Variants in LARP4 observed in about 807,000 individuals in gnomAD.
LARP4 encodes la-related protein 4.
In LARP4, 29 loss-of-function variants were observed where a neutral mutation model predicts 92.9. That is an observed-to-expected ratio of 0.31 (90% confidence interval 0.23 to 0.43). The LOEUF is 0.43. Ranked by LOEUF, LARP4 falls within the 20% of genes least tolerant of loss-of-function variation. LARP4 has a pLI of 1.00. For missense variants in LARP4, 732 were observed against 860.0 expected (o/e 0.85, Z 1.86); for synonymous variants, 279 against 284.1 (o/e 0.98, Z 0.18).
At chr12:50,402,511 A>G (rs1195309262) in intron 1 of LARP4, among the ~76,000 whole-genome samples, 3 of 152,174 alleles carry the variant, frequency 2.0e-5, no homozygotes, top group South Asian at 2.1e-4. Flanking sequence ...GCTGGGCAGA[A>G]GAAAGATTGT....
chr12:50,451,436 G>T (rs1953170933), intron 8 of LARP4, among the ~76,000 whole-genome samples: 1 of 152,142 alleles, frequency 6.6e-6, no homozygotes, highest in South Asian at 2.1e-4. Flanking sequence ...GGTGGCTCAT[G>T]CCTGTAATCT....
intron 1 of LARP4, among the ~76,000 whole-genome samples, chr12:50,419,523 A>G (rs913514636): frequency 1.3e-5 from 2 of 152,178 alleles, no homozygotes; most frequent in African/African-American, 4.8e-5. Flanking sequence ...ATTATTTCCA[A>G]AAAACTCAAG....
At chr12:50,402,076 T>C (rs569149726) in intron 1 of LARP4, among the ~76,000 whole-genome samples, 1 of 152,274 alleles carries the variant, frequency 6.6e-6, no homozygotes, top group African/African-American at 2.4e-5. Flanking sequence ...GGAAGGAATT[T>C]ACGGGTTGTA....
At chr12:50,418,336 G>A (rs1004812535) in intron 1 of LARP4, among the ~76,000 whole-genome samples, 13 of 152,084 alleles carry the variant, frequency 8.5e-5, no homozygotes, top group African/African-American at 3.1e-4. Flanking sequence ...AGAAGCGGAA[G>A]GATTACATAA....
At position 50,470,443 on chromosome 12, in the gene LARP4, T is replaced by C. The variant is rs182834086; in HGVS notation, c.1546-2972T>C. ...ACTTTCTTTCTTTCTTTCTTTCTTT[T>C]TTTTTTTGAGATGGAGTTTTGCTCT... On this transcript the variant is annotated intron_variant, in intron 13 of 15. Transcript: ENST00000398473. Among the ~76,000 whole-genome samples the C allele has an allele frequency of 4.4e-3, 673 of 152,050 alleles. 4 individuals carry two copies. The highest frequency in any genetic ancestry group is 0.014 in the African/African-American group (592 of 41,492).
At chr12:50,435,436 T>G in intron 4 of LARP4, 52 bp from the exon 5 acceptor site, 1 of 1,078,784 alleles carries the variant, frequency 9.3e-7, no homozygotes, top group Non-Finnish European at 1.4e-6. Context: ...ATACCTCTTG[T>G]TAGATGCTTT....
chr12:50,425,468 C>T (rs1027106348), intron 1 of LARP4, among the ~76,000 whole-genome samples: 3 of 152,096 alleles, frequency 2.0e-5, no homozygotes, highest in Non-Finnish European at 2.9e-5. Context: ...GCATTTTCTC[C>T]TATTGAAAAA....
intron 8 of LARP4, among the ~76,000 whole-genome samples, chr12:50,443,117 A>G (rs575236865): frequency 7.2e-5 from 11 of 152,038 alleles, no homozygotes; most frequent in African/African-American, 9.7e-5. Context: ...ATCTAGTTCT[A>G]TTTTTCCCCA....
At chr12:50,451,865 G>T (rs116576704) in intron 8 of LARP4, among the ~76,000 whole-genome samples, 1 of 151,562 alleles carries the variant, frequency 6.6e-6, no homozygotes, top group Non-Finnish European at 1.5e-5. Flanking sequence ...TCAGCCGGGC[G>T]TGTTGGTGGG....
chr12:50,445,649 G>C (rs1232946363), intron 8 of LARP4, among the ~76,000 whole-genome samples: 2 of 151,934 alleles, frequency 1.3e-5, no homozygotes, highest in African/African-American at 4.8e-5. Flanking sequence ...CTCCAGATTG[G>C]ATCATTTCTG....
At chr12:50,460,997 T>G in intron 10 of LARP4, 138 bp from the exon 11 acceptor site, 1 of 697,180 alleles carries the variant, frequency 1.4e-6, no homozygotes, top group East Asian at 2.7e-5. Context: ...GGGGCAACAC[T>G]TTTACAACAT....
intron 1 of LARP4, among the ~76,000 whole-genome samples, chr12:50,419,760 A>G (rs1010817264): frequency 6.6e-6 from 1 of 151,932 alleles, no homozygotes; most frequent in Non-Finnish European, 1.5e-5. Context: ...AAAACAACCT[A>G]TCCACGTGGT....
At chr12:50,401,050 C>G (rs1341780741) in intron 1 of LARP4, 22 bp downstream of exon 1, 2 of 1,613,760 alleles carry the variant, frequency 1.2e-6, no homozygotes, top group Non-Finnish European at 1.7e-6. Context: ...ATGCTAGTCT[C>G]GTCCTGCTCT....
intron 8 of LARP4, among the ~76,000 whole-genome samples, chr12:50,444,995 C>G (rs1429543189): frequency 1.3e-5 from 2 of 152,082 alleles, no homozygotes; most frequent in Non-Finnish European, 2.9e-5. Context: ...TTGCAGCCTC[C>G]TCTTGCCTCG....
chr12:50,447,584 TA>T (rs1952419283), intron 8 of LARP4, among the ~76,000 whole-genome samples: 1 of 152,210 alleles, frequency 6.6e-6, no homozygotes, highest in African/African-American at 2.4e-5. Context: ...TATTTTATTT[TA>T]TTTTTTAAAG....
intron 4 of LARP4, among the ~76,000 whole-genome samples, chr12:50,433,433 T>G (rs1056670245): frequency 5.9e-5 from 9 of 152,038 alleles, no homozygotes; most frequent in Admixed American, 5.9e-4. Context: ...TTAATACATA[T>G]CAGGTATTAC....
Position 50,400,904 on chromosome 12 carries a change from T to A in LARP4, c.-107T>A. 1 of 1,497,446 alleles carries A rather than the reference T, an allele frequency of 6.7e-7. No homozygotes were observed. The highest frequency in any genetic ancestry group is 9.3e-7 in the Non-Finnish European group (1 of 1,074,860). The allele number at this position is 1,497,446 out of a possible 1,614,324, so 92.8% of individuals were successfully genotyped here. A position where few individuals can be genotyped will look rare whatever the true frequency, so the allele number is the denominator to read the frequency against. On this transcript the variant is annotated 5_prime_UTR_variant, in exon 1 of 16. Transcript: ENST00000398473. ...GGGAGGAGCCGGGTCCACTGCCGGG[T>A]GGAGGGGCAAGGCGAGTGTGTGTCC...
chr12:50,461,831 G>A (rs887689065), intron 11 of LARP4, among the ~76,000 whole-genome samples: 20 of 151,996 alleles, frequency 1.3e-4, no homozygotes, highest in African/African-American at 4.1e-4. Context: ...GGTGGCAGGC[G>A]CCTGTAATCC....
At chr12:50,408,493 G>A (rs545312985) in intron 1 of LARP4, among the ~76,000 whole-genome samples, 3 of 152,010 alleles carry the variant, frequency 2.0e-5, no homozygotes, top group Admixed American at 2.0e-4. Flanking sequence ...CACCGCACCC[G>A]GCGAGAAAAG....
Sources: allele counts gnomAD v4.1 joint callset (sites outside exome capture counted in the v4.1 genomes callset), GRCh38; gene constraint gnomAD v4.1.1; transcripts MANE v1.5; gene names NCBI Gene and HGNC (gene_info 2026-07-23, HGNC 2026-07-21).